The following PCDHGA4 variants were observed in gnomAD, a reference collection of about 807,000 sequenced individuals.
PCDHGA4 encodes the protein protocadherin gamma subfamily A, 4, also known as protocadherin gamma-A4.
Under a neutral mutation model 54.6 loss-of-function variants are expected in PCDHGA4, and 38 were observed. The ratio of observed to expected loss-of-function variants is 0.70; its 90% CI spans 0.54 to 0.91. The LOEUF is 0.91. Among genes scored for constraint, PCDHGA4 ranks in the 40% least tolerant of loss-of-function variants. PCDHGA4 has a pLI of 0.00. For synonymous variants in PCDHGA4, 511 were observed against 512.9 expected (o/e 1.00, Z 0.05); for missense variants, 1,298 against 1,220.9 (o/e 1.06, Z -0.94).
In PCDHGA4 at chr5:141,418,448, C is replaced by T. The variant is rs1240295197; in HGVS notation, c.2514+60827C>T. On this transcript the variant is annotated intron_variant, in intron 1 of 3. Transcript: ENST00000571252. ...TGGCAAATATCCAGAATTAGTATTG[C>T]AGAAGACTCTGGACCGAGAAACGCA... 1.9e-6 allele frequency: 3 copies of T among 1,613,850 alleles called. No homozygotes were observed. The African/African-American group carries it at 4.0e-5, about 22-fold the overall frequency.
intron 1 of PCDHGA4, chr5:141,397,905 G>C: frequency 1.5e-6 from 1 of 659,508 alleles, no homozygotes; most frequent in East Asian, 2.8e-5. Flanking sequence ...GCAGAGCTTG[G>C]CGCTCCAGAT....
intron 1 of PCDHGA4, among the ~76,000 whole-genome samples, chr5:141,368,720 T>C (rs1443376319): frequency 6.6e-6 from 1 of 152,220 alleles, no homozygotes; most frequent in African/African-American, 2.4e-5. Flanking sequence ...ATTTTGAATG[T>C]ATGTACTGTA....
At position 141,357,068 on chromosome 5, in the gene PCDHGA4, C is replaced by T; in HGVS notation, c.1961C>T (p.Thr654Ile). 3 of 1,613,990 alleles carry T rather than the reference C, an allele frequency of 1.9e-6. No homozygotes were observed. The highest frequency in any genetic ancestry group is 2.5e-6 in the Non-Finnish European group (3 of 1,179,968). Residue 654 changes from threonine (T) to isoleucine (I), a missense_variant, in exon 1 of 4, where the codon ACA (threonine) becomes ATA (isoleucine). Transcript: ENST00000571252. ...GGACTATTTGCAGTGGGGCTGCACACAGGCGAGGTGCGCACCGCACGGGCC... is the reference window on the plus strand; with the variant it reads ...GGACTATTTGCAGTGGGGCTGCACATAGGCGAGGTGCGCACCGCACGGGCC... ...EPGLFAVGLH[T>I]GEVRTARALL...
chr5:141,455,400 C>G (rs537466326), intron 1 of PCDHGA4, among the ~76,000 whole-genome samples: 8 of 152,274 alleles, frequency 5.3e-5, no homozygotes, highest in Admixed American at 5.2e-4. Context: ...CTCCCCCTTA[C>G]AGAGACAGAG....
chr5:141,449,588 CAA>C (rs768743917), intron 1 of PCDHGA4, among the ~76,000 whole-genome samples: 5 of 57,502 alleles, frequency 8.7e-5, no homozygotes, highest in Admixed American at 1.8e-4. Flanking sequence ...GACTCTGTCT[CAA>C]AAAAAAAAAA....
chr5:141,369,477 G>A (rs372546289), intron 1 of PCDHGA4, among the ~76,000 whole-genome samples: 20 of 151,976 alleles, frequency 1.3e-4, no homozygotes, highest in East Asian at 5.8e-4. Flanking sequence ...GCCCAGCCTG[G>A]GCAACATAGT....
At chr5:141,380,140 T>C (rs1776247193) in intron 1 of PCDHGA4, among the ~76,000 whole-genome samples, 1 of 151,998 alleles carries the variant, frequency 6.6e-6, no homozygotes, top group Non-Finnish European at 1.5e-5. Context: ...CCTTAAGTGA[T>C]CCACCCGCCT....
chr5:141,441,825 C>A, intron 1 of PCDHGA4: 1 of 357,252 alleles, frequency 2.8e-6, no homozygotes, highest in Non-Finnish European at 5.5e-6. Flanking sequence ...CTCTGGAGCG[C>A]AATGGCTTCG....
At chr5:141,387,323 G>T (rs2090908841) in intron 1 of PCDHGA4, among the ~76,000 whole-genome samples, 1 of 152,154 alleles carries the variant, frequency 6.6e-6, no homozygotes, top group South Asian at 2.1e-4. Context: ...AGTAAGTATG[G>T]AAAATTACTG....
chr5:141,496,478 G>A lies in PCDHGA4; in HGVS notation c.2573+1613G>A, dbSNP rs150992994. 7.2e-3 allele frequency among the ~76,000 whole-genome samples: 1,093 copies of A among 152,228 alleles called. 19 individuals are homozygous for A. The highest frequency in any genetic ancestry group is 0.025 in the African/African-American group (1,039 of 41,518). ...CCAAGAGTTATCTTTCCCCCATCCT[G>A]CAACCAACCAAACCCTTGTTGCCAC... is the stretch of plus-strand genomic sequence containing the variant. On this transcript the variant is annotated intron_variant, in intron 2 of 3. Transcript: ENST00000571252.
intron 1 of PCDHGA4, among the ~76,000 whole-genome samples, chr5:141,474,705 A>C (rs114026580): frequency 0.01 from 1,561 of 152,324 alleles, 35 homozygotes; most frequent in African/African-American, 0.035. Context: ...TCAAGGTTCT[A>C]TTATACTTCA....
Position 141,371,209 on chromosome 5 carries a change from G to A in PCDHGA4, c.2514+13588G>A, listed in dbSNP as rs143352621. 154 of 1,614,006 alleles carry A rather than the reference G, an allele frequency of 9.5e-5. No individual in the cohort carries two copies. The African/African-American group carries it at 1.8e-3, about 19-fold the overall frequency. ...GTGATGGCCATTGACATGGATGAGG[G>A]CATCAATGCCGAAATCATCTATGCC... On this transcript the variant is annotated intron_variant, in intron 1 of 3. Transcript: ENST00000571252.
intron 1 of PCDHGA4, among the ~76,000 whole-genome samples, chr5:141,382,409 G>A (rs1360537214): frequency 6.6e-6 from 1 of 152,188 alleles, no homozygotes; most frequent in Non-Finnish European, 1.5e-5. Context: ...GCAATAACGT[G>A]TGAGTCAGTG....
rs202220616 is a variant in PCDHGA4, at chr5:141,389,200, A to G, written c.2514+31579A>G. On this transcript the variant is annotated intron_variant, in intron 1 of 3. Coordinates refer to ENST00000571252, the MANE Select transcript of PCDHGA4 (RefSeq NM_018917.4). ...TCCTCCAGTTCCAGCATCACCCTGC[A>G]CATTGGTGATGTAAATGACAACGCT... is the stretch of plus-strand genomic sequence containing the variant. 1,731 of 1,614,032 alleles carry G rather than the reference A, an allele frequency of 1.1e-3. 2 individuals carry two copies. Among genetic ancestry groups the G allele is most frequent in the Non-Finnish European group, 1.4e-3 (1,628 of 1,179,874 alleles).
intron 1 of PCDHGA4, among the ~76,000 whole-genome samples, chr5:141,445,332 A>G (rs1364481039): frequency 1.4e-4 from 22 of 152,140 alleles, no homozygotes; most frequent in Admixed American, 1.4e-3. Context: ...CCATCCAGAA[A>G]CAGTAAACAT....
At chr5:141,413,454 G>A (rs765318722) in intron 1 of PCDHGA4, 46 of 1,614,026 alleles carry the variant, frequency 2.9e-5, no homozygotes, top group Non-Finnish European at 3.7e-5. Flanking sequence ...CCGCGGGCAG[G>A]ATAGACCGGG....
intron 1 of PCDHGA4, chr5:141,360,332 T>C (rs1761541281): frequency 1.2e-6 from 2 of 1,613,966 alleles, no homozygotes; most frequent in Non-Finnish European, 1.7e-6. Context: ...GCCCGGAAGC[T>C]GCGGGTTAGC....
chr5:141,375,892 G>T (rs753797132), intron 1 of PCDHGA4: 1 of 1,613,794 alleles, frequency 6.2e-7, no homozygotes, highest in African/African-American at 1.3e-5. Context: ...AGAACGCCTG[G>T]CTGTCCTACC....
Position 141,374,077 on chromosome 5 carries a change from G to A in PCDHGA4, c.2514+16456G>A, listed in dbSNP as rs530727064. 38 of 1,515,728 alleles carry A rather than the reference G, an allele frequency of 2.5e-5. No individual in the cohort carries two copies. The African/African-American group carries it at 3.6e-4, about 14-fold the overall frequency. 93.9% of individuals were successfully genotyped at this position (1,515,728 alleles called of 1,614,324 possible). A position where few individuals can be genotyped will look rare whatever the true frequency, so the allele number is the denominator to read the frequency against. ...TTAATCCCAGAGAAGTTCCTAATAA[G>A]CCAGTAATGGCGCCTCCGCAGAGGC... On this transcript the variant is annotated intron_variant, in intron 1 of 3. Coordinates refer to ENST00000571252, the MANE Select transcript of PCDHGA4 (RefSeq NM_018917.4).
Sources: gnomAD v4.1 joint callset for allele counts (sites outside exome capture counted in the v4.1 genomes callset) on GRCh38, gnomAD v4.1.1 for gene constraint, MANE v1.5 for transcripts, NCBI Gene and HGNC (gene_info 2026-07-23, HGNC 2026-07-21) for gene names.